The following NOTCH4 variants were observed in gnomAD, a reference collection of about 807,000 sequenced individuals.
NOTCH4 encodes neurogenic locus notch homolog protein 4.
Under a neutral mutation model 189.0 loss-of-function variants are expected in NOTCH4, and 138 were observed. The observed-to-expected ratio is 0.73, with a 90% CI of 0.64 to 0.84. NOTCH4 has a LOEUF of 0.84. Ranked by LOEUF, NOTCH4 falls within the 40% of genes least tolerant of loss-of-function variation. The pLI is 0.00. For synonymous variants in NOTCH4, 942 were observed against 1,032.8 expected, an observed-to-expected ratio of 0.91 and a Z score of 1.69; for missense variants, 2,286 against 2,605.4, an observed-to-expected ratio of 0.88 and a Z score of 2.67.
rs1437710211 is a variant in NOTCH4, at chr6:32,199,057, G to C, written c.4404C>G (p.Leu1468=). 4.3e-6 allele frequency: 7 copies of C among 1,612,908 alleles called. No individual in the cohort carries two copies. Among genetic ancestry groups the C allele is most frequent in the Non-Finnish European group, 5.9e-6 (7 of 1,179,920 alleles). Residue 1468 remains leucine, a synonymous_variant, in exon 24 of 30, where the codon CTC becomes CTG. Coordinates refer to ENST00000375023, the MANE Select transcript of NOTCH4 (RefSeq NM_004557.4). The surrounding 1 kb of genome is among the most constrained non-coding windows in gnomAD (Gnocchi z 4.9). The part of the protein sequence containing the change: ...ILLALGALLV[L]QLIRRRRREH... ...CTCGGCGTCGACGCCGGATGAGCTG[G>C]AGGACGAGAAGAGCCCCTAGGGCCA...
At position 32,201,149 on chromosome 6, in the gene NOTCH4, G is replaced by A. The variant is rs1264378913; in HGVS notation, c.4107C>T (p.Pro1369=). 6.2e-7 allele frequency: 1 copy of A among 1,612,350 alleles called. No homozygotes were observed. The highest frequency in any genetic ancestry group is 8.5e-7 in the Non-Finnish European group (1 of 1,179,636). ...YQERAAPQTQ[P]LGKETDSLSA... ...TGAGGGAGTCGGTCTCCTTGCCCAG[G>A]GGCTGCGTTTGAGGGGCTGCTCTCT... The change falls in exon 22 of 30, where the codon CCC becomes CCT. Residue 1369 remains proline (P), a synonymous_variant. Coordinates refer to ENST00000375023, the MANE Select transcript of NOTCH4 (RefSeq NM_004557.4). The surrounding 1 kb of genome is among the most constrained non-coding windows in gnomAD (Gnocchi z 5.5).
chr6:32,204,116 C>T, intron 19 of NOTCH4, 21 bp downstream of exon 19: 10 of 1,610,736 alleles, frequency 6.2e-6, no homozygotes, highest in Middle Eastern at 1.8e-4. Context: ...CACACTTGTG[C>T]CCCTTGTCTT....
intron 18 of NOTCH4, among the ~76,000 whole-genome samples, chr6:32,207,151 G>A (rs567446537): frequency 3.3e-5 from 5 of 151,146 alleles, no homozygotes; most frequent in South Asian, 4.2e-4. Context: ...GGCTGGTCTC[G>A]AACTCCTGAC....
At position 32,195,350 on chromosome 6, in the gene NOTCH4, G is replaced by C. The variant is rs1787792773; in HGVS notation, c.*87C>G. 7.9e-7 allele frequency: 1 copy of C among 1,272,436 alleles called. No individual in the cohort carries two copies. Among genetic ancestry groups the C allele is most frequent in the Admixed American group, 2.5e-5 (1 of 40,654 alleles). The allele number at this position is 1,272,436 out of a possible 1,614,324, so 78.8% of individuals were successfully genotyped here. A position where few individuals can be genotyped will look rare whatever the true frequency, so the allele number is the denominator to read the frequency against. On this transcript the variant is annotated 3_prime_UTR_variant, in exon 30 of 30. Transcript: ENST00000375023. This position sits in a 1 kb window ranked among gnomAD's most constrained non-coding sequence, Gnocchi z 5.4. ...ACTAAACTCACAACCCTTCATTTTG[G>C]GGGATCCATCTTAAAACCAGGAAGG...
intron 20 of NOTCH4, 47 bp downstream of exon 20, chr6:32,203,723 T>C: frequency 7.1e-7 from 1 of 1,415,014 alleles, no homozygotes. Flanking sequence ...TATTCTTGCC[T>C]TGTCAGCATA....
In NOTCH4 at chr6:32,210,936, C is replaced by A. The variant is rs1274728060; in HGVS notation, c.2681G>T (p.Gly894Val). ...GTGGCAAAGGGAAGAGACGTCTATGCCTGGGGAGAGAGACAAACAGGGATA... is the reference window on the plus strand; with the variant it reads ...GTGGCAAAGGGAAGAGACGTCTATGACTGGGGAGAGAGACAAACAGGGATA... ...SSCQKAALSQ[G>V]IDVSSLCHNG... Residue 894 changes from glycine to valine, a missense_variant and splice_region_variant, in exon 18 of 30, where the codon GGC becomes GTC. Transcript: ENST00000375023. This position sits in a 1 kb window ranked among gnomAD's most constrained non-coding sequence, Gnocchi z 4.8. 6.3e-7 allele frequency: 1 copy of A among 1,581,560 alleles called. No individual in the cohort carries two copies.
chr6:32,201,073 T>TA lies in NOTCH4; in HGVS notation c.4139+43dup, dbSNP rs1788314087. On this transcript the variant is annotated intron_variant, in intron 22 of 29. Coordinates refer to ENST00000375023, the MANE Select transcript of NOTCH4 (RefSeq NM_004557.4). This position sits in a 1 kb window ranked among gnomAD's most constrained non-coding sequence, Gnocchi z 5.5. ...GCTCCCTTTCCTCCCTCTGCCCTCT[T>TA]AAAAAAACTGGTGTCTGGCCCTTCC... The TA allele has an allele frequency of 1.3e-6, 2 of 1,574,624 alleles. No homozygotes were observed. The highest frequency in any genetic ancestry group is 1.2e-5 in the South Asian group (1 of 84,246).
chr6:32,196,013 G>A lies in NOTCH4; in HGVS notation c.5436C>T (p.His1812=). The change falls in exon 30 of 30, where the codon CAC becomes CAT. Residue 1812 remains histidine, a synonymous_variant. Coordinates refer to ENST00000375023, the MANE Select transcript of NOTCH4 (RefSeq NM_004557.4). ...CTTCCAGCAGCGTCAGCAGATCCCAGTGGTTACGTTGGTGAGCGACGTCCG... is the reference window on the plus strand; with the variant it reads ...CTTCCAGCAGCGTCAGCAGATCCCAATGGTTACGTTGGTGAGCGACGTCCG... The part of the protein sequence containing the change: ...APADVAHQRN[H]WDLLTLLEGA... The A allele has an allele frequency of 6.3e-7, 1 of 1,599,486 alleles. No homozygotes were observed. Among genetic ancestry groups the A allele is most frequent in the Non-Finnish European group, 8.5e-7 (1 of 1,179,032 alleles).
intron 12 of NOTCH4, 35 bp from the exon 13 acceptor site, chr6:32,214,290 T>C (rs1789233678): frequency 6.2e-7 from 1 of 1,607,930 alleles, no homozygotes; most frequent in African/African-American, 1.3e-5. Context: ...GTTTTTCTCT[T>C]CTCCTACTGC....
At chr6:32,218,839 G>A (rs1219158257) in intron 8 of NOTCH4, among the ~76,000 whole-genome samples, 1 of 152,138 alleles carries the variant, frequency 6.6e-6, no homozygotes, top group Non-Finnish European at 1.5e-5. Context: ...GAAGCCCTTG[G>A]TTTGAATCTC....
chr6:32,204,615 C>T (rs1473101595), intron 18 of NOTCH4, among the ~76,000 whole-genome samples: 1 of 152,206 alleles, frequency 6.6e-6, no homozygotes, highest in Admixed American at 6.5e-5. Flanking sequence ...CAAACAATCT[C>T]TATGACACAC....
Position 32,201,542 on chromosome 6 carries a change from C to T in NOTCH4, c.3756-42G>A. 2 of 1,426,824 alleles carry T rather than the reference C, an allele frequency of 1.4e-6. No individual in the cohort carries two copies. The highest frequency in any genetic ancestry group is 1.8e-6 in the Non-Finnish European group (2 of 1,090,676). The allele number at this position is 1,426,824 out of a possible 1,614,324, so 88.4% of individuals were successfully genotyped here. ...GGGGGACTCAGGACCTCCCTAAAAC[C>T]TGACTCTTTTCTTCACCCTAGAAAG... On this transcript the variant is annotated intron_variant, in intron 21 of 29. Coordinates refer to ENST00000375023, the MANE Select transcript of NOTCH4 (RefSeq NM_004557.4). This position sits in a 1 kb window ranked among gnomAD's most constrained non-coding sequence, Gnocchi z 5.5.
Position 32,202,645 on chromosome 6 carries a change from T to C in NOTCH4, c.3232-46A>G, listed in dbSNP as rs1194989193. 5 of 1,516,504 alleles carry C rather than the reference T, an allele frequency of 3.3e-6. No homozygotes were observed. The highest frequency in any genetic ancestry group is 4.4e-6 in the Non-Finnish European group (5 of 1,128,150). The allele number at this position is 1,516,504 out of a possible 1,614,324, so 93.9% of individuals were successfully genotyped here. On this transcript the variant is annotated intron_variant, in intron 20 of 29. Coordinates refer to ENST00000375023, the MANE Select transcript of NOTCH4 (RefSeq NM_004557.4). This position sits in a 1 kb window ranked among gnomAD's most constrained non-coding sequence, Gnocchi z 5.7. ...ATTGGAGATGCAACTTGCATTATTC[T>C]TCCCGCTCTCCATCAAGCAAACTCT...
chr6:32,195,758 G>T lies in NOTCH4; in HGVS notation c.5691C>A (p.Cys1897Ter), dbSNP rs1437337862. 3 of 1,611,556 alleles carry T rather than the reference G, an allele frequency of 1.9e-6. No individual in the cohort carries two copies. The South Asian group carries it at 3.3e-5, about 18-fold the overall frequency. The change falls in exon 30 of 30, where the codon TGC becomes TGA. Residue 1897 changes from cysteine to a stop codon, truncating the protein, a stop_gained. Coordinates refer to ENST00000375023, the MANE Select transcript of NOTCH4 (RefSeq NM_004557.4). LOFTEE classifies it low-confidence loss of function (END_TRUNC). This position sits in a 1 kb window ranked among gnomAD's most constrained non-coding sequence, Gnocchi z 5.4. The part of the protein sequence containing the change: ...AARGGGAYSH[C>*]RSLSGVGAGG... ...CTGCTCCTACTCCCGAGAGGCTCCG[G>T]CAATGAGAATAGGCCCCGCCCCCCC...
Position 32,214,193 on chromosome 6 carries a change from C to T in NOTCH4, c.2084G>A (p.Cys695Tyr), listed in dbSNP as rs2127479474. The T allele has an allele frequency of 6.2e-7, 1 of 1,613,612 alleles. No individual in the cohort carries two copies. Among genetic ancestry groups the T allele is most frequent in the Non-Finnish European group, 8.5e-7 (1 of 1,179,782 alleles). Residue 695 changes from cysteine (C) to tyrosine (Y), a missense_variant, in exon 13 of 30, where the codon TGC becomes TAC. Physicochemically the swap from Cys to Tyr is radical, Grantham distance 194 (BLOSUM62 -2). Coordinates refer to ENST00000375023, the MANE Select transcript of NOTCH4 (RefSeq NM_004557.4). ...CCCATGGGCACAGGGTGCAGAGATGCAGCCCCCTAGCTCTGCCTCACACTC... is the reference window on the plus strand; with the variant it reads ...CCCATGGGCACAGGGTGCAGAGATGTAGCCCCCTAGCTCTGCCTCACACTC... Reference protein sequence around the residue: ...GPECEAELGGCISAPCAHGGT... With the variant: ...GPECEAELGGYISAPCAHGGT...
Position 32,220,494 on chromosome 6 carries a change from T to C in NOTCH4, c.1070A>G (p.Asp357Gly). Residue 357 changes from aspartate to glycine, a missense_variant, in exon 6 of 30, where the codon GAT becomes GGT. Physicochemically the swap from Asp to Gly is moderately conservative, Grantham distance 94. Around this residue, in one of 2 missense-constraint regions of NOTCH4, gnomAD observed 1,903 missense variants for 2,261.9 expected, o/e 0.84. Coordinates refer to ENST00000375023, the MANE Select transcript of NOTCH4 (RefSeq NM_004557.4). ...WGGTSCEENL[D>G]DCIAATCAPG... is the part of the protein sequence containing the mutation. ...GGCACAGGTGGCAGCAATACAGTCA[T>C]CCAGGTTCTCCTCACAGCTTGTGCC... is the stretch of plus-strand genomic sequence containing the variant. 1 of 1,613,510 alleles carries C rather than the reference T, an allele frequency of 6.2e-7. No individual in the cohort carries two copies. The highest frequency in any genetic ancestry group is 1.1e-5 in the South Asian group (1 of 91,076).
At chr6:32,214,989 T>C (rs1714096705) in intron 12 of NOTCH4, among the ~76,000 whole-genome samples, 4 of 152,198 alleles carry the variant, frequency 2.6e-5, no homozygotes, top group African/African-American at 9.6e-5. Context: ...TTAGTGCTCT[T>C]CTTTCTGCTC....
chr6:32,204,797 G>A (rs1561924752), intron 18 of NOTCH4, among the ~76,000 whole-genome samples: 1 of 152,104 alleles, frequency 6.6e-6, no homozygotes, highest in East Asian at 1.9e-4. Context: ...CCTATTTCCT[G>A]GAAGCTCTCA....
rs377402177 is a variant in NOTCH4 at position 32,213,648 on chromosome 6, C to T, written c.2320+40G>A. 33 of 1,598,136 alleles carry T rather than the reference C, an allele frequency of 2.1e-5. No homozygotes were observed. The African/African-American group carries it at 4.2e-4, about 20-fold the overall frequency. On this transcript the variant is annotated intron_variant, in intron 14 of 29. Transcript: ENST00000375023. The stretch of plus-strand genomic sequence containing the variant: ...GCATACCCTCCTTAGTTCTTCCATT[C>T]TCCTGTGGACCCCAGCCCCATGACA...
Sources: gnomAD v4.1 joint callset for allele counts (sites outside exome capture counted in the v4.1 genomes callset) on GRCh38, gnomAD v4.1.1 for gene constraint, gnomAD v4.1.1 regional missense constraint, Gnocchi (gnomAD v3.1) non-coding constraint, MANE v1.5 for transcripts, NCBI Gene and HGNC (gene_info 2026-07-23, HGNC 2026-07-21) for gene names.